The following PUM2 variants were observed in gnomAD, a reference collection of about 807,000 sequenced individuals.
PUM2 encodes the protein pumilio homolog 2.
Under a neutral mutation model 124.5 loss-of-function variants are expected in PUM2, and 57 were observed. That is an observed-to-expected ratio of 0.46 (90% CI 0.37 to 0.57). The LOEUF (loss-of-function observed/expected upper bound fraction) is 0.57, where lower values mean the gene tolerates loss of function less well. Among genes scored for constraint, PUM2 ranks in the 20% least tolerant of loss-of-function variants. PUM2 has a pLI of 0.00. For synonymous variants in PUM2, 460 were observed against 446.1 expected, an observed-to-expected ratio of 1.03 and a Z score of -0.39; for missense variants, 1,065 against 1,290.6, an observed-to-expected ratio of 0.83 and a Z score of 2.68.
intron 2 of PUM2, among the ~76,000 whole-genome samples, chr2:20,321,253 C>T (rs1009513308): frequency 2.0e-5 from 3 of 152,002 alleles, no homozygotes; most frequent in African/African-American, 7.2e-5. Context: ...TGCCACTGCA[C>T]TCCAGCCTGG....
In PUM2 at chr2:20,327,390, C is replaced by CA; in HGVS notation, c.-18-13dup. 1 of 1,500,232 alleles carries CA rather than the reference C, an allele frequency of 6.7e-7. No homozygotes were observed. Among genetic ancestry groups the CA allele is most frequent in the Non-Finnish European group, 9.1e-7 (1 of 1,094,208 alleles). 92.9% of individuals were successfully genotyped at this position (1,500,232 alleles called of 1,614,324 possible). ...TCCACAGATCAAACCTGTTGAATAA[C>CA]AAAAACAAAAATTAGTACAAAGAAA... On this transcript the variant is annotated splice_polypyrimidine_tract_variant and intron_variant, in intron 1 of 20. Coordinates refer to ENST00000361078, the MANE Select transcript of PUM2 (RefSeq NM_015317.5).
intron 1 of PUM2, among the ~76,000 whole-genome samples, chr2:20,349,959 C>T (rs1688982592): frequency 6.6e-6 from 1 of 152,152 alleles, no homozygotes; most frequent in African/African-American, 2.4e-5. Context: ...AAACATTTTC[C>T]CCAAAACCTG....
chr2:20,345,495 A>G (rs1688071878), intron 1 of PUM2, among the ~76,000 whole-genome samples: 1 of 152,106 alleles, frequency 6.6e-6, no homozygotes, highest in African/African-American at 2.4e-5. Flanking sequence ...CTTTCCTATA[A>G]AGGTCTTAAA....
At chr2:20,321,050 C>T (rs1251673604) in intron 2 of PUM2, among the ~76,000 whole-genome samples, 2 of 152,158 alleles carry the variant, frequency 1.3e-5, no homozygotes, top group Admixed American at 6.5e-5. Flanking sequence ...ATAGACTAAT[C>T]TTATGAGGTA....
chr2:20,258,650 CTTTTTTT>C (rs1057217780), intron 15 of PUM2, among the ~76,000 whole-genome samples: 74 of 93,856 alleles, frequency 7.9e-4, no homozygotes, highest in African/African-American at 2.8e-3. Flanking sequence ...AACCCTTCAT[CTTTTTTT>C]TTTTTTTTTT....
At chr2:20,293,672 C>T (rs1368192897) in intron 9 of PUM2, among the ~76,000 whole-genome samples, 2 of 151,994 alleles carry the variant, frequency 1.3e-5, no homozygotes, top group African/African-American at 4.8e-5. Context: ...CGTGCCACTA[C>T]ACTCCAGCCT....
At position 20,341,264 on chromosome 2, in the gene PUM2, A is replaced by G. The variant is rs185231514; in HGVS notation, c.-19+9333T>C. Among the ~76,000 whole-genome samples, 4 of 152,302 alleles carry G rather than the reference A, an allele frequency of 2.6e-5. No homozygotes were observed. In the East Asian group the frequency reaches 5.8e-4, roughly 22 times the overall value. ...CCTTAAACAAACAGCACCAACACAA[A>G]TGAATTAACTATATAAAGATATTTA... On this transcript the variant is annotated intron_variant, in intron 1 of 20. Transcript: ENST00000361078.
chr2:20,326,225 T>C (rs549815844), intron 2 of PUM2: 1 of 1,281,910 alleles, frequency 7.8e-7, no homozygotes, highest in South Asian at 1.3e-5. Flanking sequence ...AACAAATTTA[T>C]TTTGGCAATA....
intron 1 of PUM2, among the ~76,000 whole-genome samples, chr2:20,330,408 G>C (rs1168117495): frequency 1.3e-5 from 2 of 152,178 alleles, no homozygotes; most frequent in Non-Finnish European, 2.9e-5. Flanking sequence ...CTTTTGATTA[G>C]AGAGTTTGAA....
rs555283861 is a variant in PUM2 at position 20,350,714 on chromosome 2, C to T, written c.-136G>A. 92 of 982,828 alleles carry T rather than the reference C, an allele frequency of 9.4e-5. No homozygotes were observed. In the African/African-American group the frequency reaches 1.4e-3, roughly 15 times the overall value. The allele number at this position is 982,828 out of a possible 1,614,324, so 60.9% of individuals were successfully genotyped here. A position where few individuals can be genotyped will look rare whatever the true frequency, so the allele number is the denominator to read the frequency against. On this transcript the variant is annotated 5_prime_UTR_variant, in exon 1 of 21. Coordinates refer to ENST00000361078, the MANE Select transcript of PUM2 (RefSeq NM_015317.5). ...TCGGTGGCGGCAATGTCTTCTTTCTCCACCTACCACCCTCCCCCCCCACCC... is the reference window on the plus strand; with the variant it reads ...TCGGTGGCGGCAATGTCTTCTTTCTTCACCTACCACCCTCCCCCCCCACCC...
intron 13 of PUM2, among the ~76,000 whole-genome samples, chr2:20,264,581 T>C (rs976240137): frequency 6.6e-6 from 1 of 151,518 alleles, no homozygotes; most frequent in African/African-American, 2.4e-5. Context: ...AAAATTACAA[T>C]TAACAGTTTA....
chr2:20,261,394 C>CA (rs200294801), intron 14 of PUM2, among the ~76,000 whole-genome samples: 1,014 of 76,600 alleles, frequency 0.013, 245 homozygotes, highest in African/African-American at 0.026. Context: ...ACTCTGTCTC[C>CA]AAAAAAAAAA....
rs372027320 is a variant in PUM2 at position 20,252,087 on chromosome 2, A to G, written c.3064-371T>C. 2.0e-5 allele frequency among the ~76,000 whole-genome samples: 3 copies of G among 152,246 alleles called. No homozygotes were observed. In the South Asian group the frequency reaches 6.2e-4, roughly 31 times the overall value. ...TTAAACAATTAGGGAGGATCCAAAT[A>G]TAATAAATATGATACCAGTTAAATA... is the stretch of plus-strand genomic sequence containing the variant. On this transcript the variant is annotated intron_variant, in intron 20 of 20. Transcript: ENST00000361078.
chr2:20,336,802 G>GTGTGTGTGTGTGT (rs1572998287), intron 1 of PUM2, among the ~76,000 whole-genome samples: 1 of 130,654 alleles, frequency 7.7e-6, no homozygotes, highest in African/African-American at 2.8e-5. Context: ...GTGTGTGTGT[G>GTGTGTGTGTGTGT]GTACAGACGG....
At position 20,278,710 on chromosome 2, in the gene PUM2, G is replaced by T. The variant is rs762187138; in HGVS notation, c.1830C>A (p.Tyr610Ter). The change falls in exon 13 of 21, where the codon TAC becomes TAA. Residue 610 changes from tyrosine to a stop codon, truncating the protein, a stop_gained. Coordinates refer to ENST00000361078, the MANE Select transcript of PUM2 (RefSeq NM_015317.5). LOFTEE classifies it high-confidence loss of function. ...SSLAPIGQPFYNSLGFSSSPS... is the reference protein window; with the variant it reads ...SSLAPIGQPF ...GAGAGGAGGAAAATCCCAGACTATTGTAAAATGGTTGCCCTATGGGTGCTA... is the reference window on the plus strand; with the variant it reads ...GAGAGGAGGAAAATCCCAGACTATTTTAAAATGGTTGCCCTATGGGTGCTA... 3 of 1,613,480 alleles carry T rather than the reference G, an allele frequency of 1.9e-6. No individual in the cohort carries two copies. In the African/African-American group the frequency reaches 4.0e-5, roughly 22 times the overall value.
intron 2 of PUM2, among the ~76,000 whole-genome samples, chr2:20,322,442 T>C (rs566093262): frequency 6.6e-6 from 1 of 151,800 alleles, no homozygotes; most frequent in Admixed American, 6.6e-5. Flanking sequence ...TAATTATAAA[T>C]AAATAAATAT....
At chr2:20,317,587 G>A (rs1681274541) in intron 3 of PUM2, among the ~76,000 whole-genome samples, 2 of 152,120 alleles carry the variant, frequency 1.3e-5, no homozygotes, top group African/African-American at 4.8e-5. Flanking sequence ...GGGGGTACAT[G>A]TGCAGGTTTG....
chr2:20,294,598 A>G (rs1675061660), intron 8 of PUM2, 80 bp from the exon 9 acceptor site: 7 of 1,421,694 alleles, frequency 4.9e-6, no homozygotes, highest in Non-Finnish European at 6.6e-6. Context: ...TCATCAGATT[A>G]TAAAAGGGGG....
intron 10 of PUM2, among the ~76,000 whole-genome samples, chr2:20,288,468 T>C (rs540305666): frequency 3.3e-5 from 5 of 152,232 alleles, no homozygotes; most frequent in African/African-American, 9.6e-5. Context: ...AGTATAAATT[T>C]TGACAAATAG....
Sources: allele counts gnomAD v4.1 joint callset (sites outside exome capture counted in the v4.1 genomes callset), GRCh38; gene constraint gnomAD v4.1.1; transcripts MANE v1.5; gene names NCBI Gene and HGNC (gene_info 2026-07-23, HGNC 2026-07-21).